SSPN: variants seen among roughly 807,000 people sequenced by gnomAD.
SSPN encodes the protein sarcospan.
In SSPN, 15 loss-of-function variants were observed where a neutral mutation model predicts 19.1. The observed-to-expected ratio is 0.78, with a 90% confidence interval of 0.52 to 1.21. The LOEUF (loss-of-function observed/expected upper bound fraction) is 1.21, where lower values mean the gene tolerates loss of function less well. Ranked by LOEUF, SSPN falls within the 50% of genes most tolerant of loss-of-function variation. SSPN has a pLI of 0.00. For synonymous variants in SSPN, 147 were observed against 140.3 expected (o/e 1.05, Z -0.34); for missense variants, 291 against 314.0 (o/e 0.93, Z 0.55).
At chr12:26,170,124 G>T (rs1165859518) in intron 1 of SSPN, among the ~76,000 whole-genome samples, 1 of 152,172 alleles carries the variant, frequency 6.6e-6, no homozygotes. Flanking sequence ...TAACCCAGTG[G>T]ACTCCCTGCA....
At chr12:26,145,077 T>A (rs976025945) in intron 1 of SSPN, among the ~76,000 whole-genome samples, 7 of 152,142 alleles carry the variant, frequency 4.6e-5, no homozygotes, top group African/African-American at 1.7e-4. Context: ...AGATTTTTGG[T>A]CTATGTAACC....
chr12:26,201,046 T>TA (rs59727119), intron 1 of SSPN, among the ~76,000 whole-genome samples: 16,955 of 70,682 alleles, frequency 0.24, 2,278 homozygotes, highest in Non-Finnish European at 0.29. Context: ...TATATATATA[T>TA]TATATATATA....
chr12:26,176,266 C>T (rs1944683198), intron 1 of SSPN, among the ~76,000 whole-genome samples: 1 of 152,210 alleles, frequency 6.6e-6, no homozygotes, highest in Non-Finnish European at 1.5e-5. Flanking sequence ...ATTTATTCAG[C>T]CACGCTATCT....
At chr12:26,158,230 CCTT>C (rs1944567318) in intron 1 of SSPN, among the ~76,000 whole-genome samples, 1 of 151,800 alleles carries the variant, frequency 6.6e-6, no homozygotes, top group South Asian at 2.1e-4. Context: ...CTTTTTCCTT[CCTT>C]CTTTCTTTCT....
At chr12:26,122,860 G>A (rs1351969664) in intron 1 of SSPN, 1 of 1,566,468 alleles carries the variant, frequency 6.4e-7, no homozygotes, top group South Asian at 1.2e-5. Flanking sequence ...TGGATGACGG[G>A]CACGCAGTAG....
intron 1 of SSPN, among the ~76,000 whole-genome samples, chr12:26,155,830 C>T (rs1012469602): frequency 6.6e-6 from 1 of 152,186 alleles, no homozygotes; most frequent in African/African-American, 2.4e-5. Context: ...GTGCGGTGAG[C>T]CCTGTTGTTA....
intron 1 of SSPN, among the ~76,000 whole-genome samples, chr12:26,199,741 G>A (rs1458818346): frequency 1.3e-5 from 2 of 152,224 alleles, no homozygotes; most frequent in African/African-American, 4.8e-5. Flanking sequence ...TTTAGGTAAA[G>A]CATTGCATGC....
rs746451839 is a variant in SSPN, at chr12:26,224,279, G to A, written c.280-14G>A. On this transcript the variant is annotated splice_polypyrimidine_tract_variant and intron_variant, in intron 1 of 2. Coordinates refer to ENST00000242729, the MANE Select transcript of SSPN (RefSeq NM_005086.5). ...ACCCTGATAACATCCTTTCTTCTGT[G>A]TTCTCCCTTGCAGGTCTGCTTAGTG... 3.7e-6 allele frequency: 6 copies of A among 1,602,748 alleles called. No individual in the cohort carries two copies. Among genetic ancestry groups the A allele is most frequent in the Non-Finnish European group, 4.3e-6 (5 of 1,169,764 alleles).
intron 1 of SSPN, among the ~76,000 whole-genome samples, chr12:26,172,336 C>T (rs541664069): frequency 3.9e-5 from 6 of 152,246 alleles, no homozygotes; most frequent in East Asian, 1.9e-4. Context: ...GCCTTTACCC[C>T]GTCACTCCCG....
At chr12:26,221,892 TG>T in intron 1 of SSPN, among the ~76,000 whole-genome samples, 1 of 152,242 alleles carries the variant, frequency 6.6e-6, no homozygotes, top group East Asian at 1.9e-4. Context: ...TTTCTTTGAT[TG>T]TTTCAAGTTT....
intron 1 of SSPN, among the ~76,000 whole-genome samples, chr12:26,223,505 C>A (rs926099875): frequency 2.0e-5 from 3 of 152,050 alleles, no homozygotes; most frequent in Non-Finnish European, 2.9e-5. Flanking sequence ...GCACCGCACC[C>A]GCTTATATGT....
At chr12:26,177,007 G>C (rs1459455737) in intron 1 of SSPN, among the ~76,000 whole-genome samples, 1 of 152,128 alleles carries the variant, frequency 6.6e-6, no homozygotes. Flanking sequence ...AAATTTTTTA[G>C]TGGGACTTTG....
intron 1 of SSPN, chr12:26,124,041 G>A (rs1353291065): frequency 1.4e-6 from 2 of 1,401,372 alleles, no homozygotes; most frequent in Non-Finnish European, 1.0e-6. Context: ...CGCCCTTGGA[G>A]AGCAGCAAAG....
intron 1 of SSPN, among the ~76,000 whole-genome samples, chr12:26,140,491 G>T (rs1944454018): frequency 6.6e-6 from 1 of 152,170 alleles, no homozygotes; most frequent in Middle Eastern, 3.2e-3. Flanking sequence ...AGTGGACCTG[G>T]TTTGGATTTG....
At chr12:26,216,073 ACT>A (rs1945045558) in intron 1 of SSPN, among the ~76,000 whole-genome samples, 1 of 152,160 alleles carries the variant, frequency 6.6e-6, no homozygotes, top group African/African-American at 2.4e-5. Flanking sequence ...GGGGCTTAAC[ACT>A]CTGTAAATAT....
At chr12:26,199,380 G>GA (rs1231478210) in intron 1 of SSPN, among the ~76,000 whole-genome samples, 1 of 152,094 alleles carries the variant, frequency 6.6e-6, no homozygotes, top group African/African-American at 2.4e-5. Context: ...ATTCCTGTAA[G>GA]GGGGGAAAAA....
intron 1 of SSPN, among the ~76,000 whole-genome samples, chr12:26,178,545 A>G (rs1246978395): frequency 6.6e-6 from 1 of 152,202 alleles, no homozygotes; most frequent in Non-Finnish European, 1.5e-5. Context: ...GGGGAACAAA[A>G]GCAAATATGT....
chr12:26,173,319 G>A (rs993427463), intron 1 of SSPN, among the ~76,000 whole-genome samples: 1 of 152,144 alleles, frequency 6.6e-6, no homozygotes, highest in African/African-American at 2.4e-5. Context: ...GTGGTGGTGG[G>A]TGCAACTGTT....
intron 1 of SSPN, among the ~76,000 whole-genome samples, chr12:26,207,545 T>C (rs889943965): frequency 1.3e-5 from 2 of 152,226 alleles, no homozygotes; most frequent in Non-Finnish European, 2.9e-5. Context: ...TTTCATACTT[T>C]GAAAATTTGT....
Sources: allele counts gnomAD v4.1 joint callset (sites outside exome capture counted in the v4.1 genomes callset), GRCh38; gene constraint gnomAD v4.1.1; transcripts MANE v1.5; gene names NCBI Gene and HGNC (gene_info 2026-07-23, HGNC 2026-07-21).